Variants in R3HDM1 observed in about 807,000 individuals in gnomAD.
R3HDM1 encodes the protein R3H domain-containing protein 1.
Under a neutral mutation model 141.1 loss-of-function variants are expected in R3HDM1, and 46 were observed. The ratio of observed to expected loss-of-function variants is 0.33; its 90% confidence interval spans 0.26 to 0.42. R3HDM1 has a LOEUF of 0.42. Among genes scored for constraint, R3HDM1 ranks in the 10% least tolerant of loss-of-function variants. The pLI, the probability that R3HDM1 is intolerant of heterozygous loss-of-function variation, is 1.00. For synonymous variants in R3HDM1, 435 were observed against 472.9 expected (o/e 0.92, Z 1.04); for missense variants, 1,184 against 1,368.3 (o/e 0.87, Z 2.12).
chr2:135,564,204 C>T (rs1320171062), intron 1 of R3HDM1, among the ~76,000 whole-genome samples: 1 of 152,192 alleles, frequency 6.6e-6, no homozygotes, highest in Non-Finnish European at 1.5e-5. Flanking sequence ...TCTACCTAGA[C>T]AGTAAGTTAT....
At chr2:135,621,134 T>C (rs1012840092) in intron 5 of R3HDM1, among the ~76,000 whole-genome samples, 3 of 152,006 alleles carry the variant, frequency 2.0e-5, no homozygotes, top group African/African-American at 7.2e-5. Context: ...TGATGATAAT[T>C]ATGCTCTTGC....
intron 23 of R3HDM1, among the ~76,000 whole-genome samples, chr2:135,712,221 C>T (rs1011102192): frequency 6.6e-6 from 1 of 152,038 alleles, no homozygotes; most frequent in African/African-American, 2.4e-5. Flanking sequence ...TGACACCAGG[C>T]TGGACTGCAT....
At position 135,651,863 on chromosome 2, in the gene R3HDM1, T is replaced by G; in HGVS notation, c.1859T>G (p.Met620Arg). ...LQSPQQSGYI[M>R]TAAPPPHPPP... ...TCTCCACAGCAGTCTGGTTATATCA[T>G]GACAGCAGCCCCTCCACCACATCCT... The change falls in exon 18 of 27, where the codon ATG (methionine) becomes AGG (arginine). Residue 620 changes from methionine to arginine, a missense_variant. This residue lies in a region of R3HDM1 where 563 missense variants were observed against 562.0 expected (regional missense o/e 1.00). Coordinates refer to ENST00000683871, the MANE Select transcript of R3HDM1 (RefSeq NM_001378107.1). 1.2e-6 allele frequency: 2 copies of G among 1,614,088 alleles called. No individual in the cohort carries two copies. Among genetic ancestry groups the G allele is most frequent in the Non-Finnish European group, 1.7e-6 (2 of 1,179,990 alleles).
chr2:135,685,815 C>A (rs2071230911), intron 21 of R3HDM1, among the ~76,000 whole-genome samples: 1 of 152,078 alleles, frequency 6.6e-6, no homozygotes, highest in Admixed American at 6.6e-5. Flanking sequence ...TGTCTTCAAG[C>A]CAGTGTGACC....
At chr2:135,715,367 G>A (rs1292546773) in intron 23 of R3HDM1, among the ~76,000 whole-genome samples, 183 bp from the exon 24 acceptor site, 5 of 151,642 alleles carry the variant, frequency 3.3e-5, no homozygotes, top group Admixed American at 2.0e-4. Flanking sequence ...GTGAGACTCC[G>A]TCTCAAAAAA....
intron 18 of R3HDM1, among the ~76,000 whole-genome samples, chr2:135,654,082 A>T (rs1184559812): frequency 6.6e-6 from 1 of 152,102 alleles, no homozygotes; most frequent in African/African-American, 2.4e-5. Context: ...AAACATTTTC[A>T]TCACTCTAAA....
intron 1 of R3HDM1, among the ~76,000 whole-genome samples, chr2:135,577,601 C>G (rs1348166299): frequency 2.0e-5 from 3 of 151,752 alleles, no homozygotes; most frequent in East Asian, 3.9e-4. Flanking sequence ...TTTGGGAGGC[C>G]AAGGTGGGTG....
chr2:135,582,394 T>G (rs1007039324), intron 1 of R3HDM1, among the ~76,000 whole-genome samples: 1 of 152,202 alleles, frequency 6.6e-6, no homozygotes, highest in African/African-American at 2.4e-5. Flanking sequence ...TAAAAATGGA[T>G]CATAGGAAGT....
intron 23 of R3HDM1, among the ~76,000 whole-genome samples, chr2:135,713,620 C>T (rs1011683504): frequency 2.0e-5 from 3 of 152,056 alleles, no homozygotes; most frequent in African/African-American, 7.2e-5. Flanking sequence ...TAGGAAAATG[C>T]CCTTAAGTGT....
At position 135,702,261 on chromosome 2, in the gene R3HDM1, G is replaced by T. The variant is rs548647704; in HGVS notation, c.2460-7172G>T. Reference sequence around the variant, plus strand: ...AAAAAGGCTGGGCGCAGTGGCTCATGCTGGTAATCCCAGCATTTTTGGAGG... The same window carrying T: ...AAAAAGGCTGGGCGCAGTGGCTCATTCTGGTAATCCCAGCATTTTTGGAGG... On this transcript the variant is annotated intron_variant, in intron 21 of 26. Transcript: ENST00000683871. Among the ~76,000 whole-genome samples the T allele has an allele frequency of 4.8e-5, 7 of 144,806 alleles. No individual in the cohort carries two copies. In the East Asian group the frequency reaches 1.5e-3, roughly 31 times the overall value. The allele number at this position is 144,806 out of a possible 152,430, so 95.0% of individuals were successfully genotyped here. A position where few individuals can be genotyped will look rare whatever the true frequency, so the allele number is the denominator to read the frequency against.
chr2:135,581,699 T>A (rs1706852406), intron 1 of R3HDM1, among the ~76,000 whole-genome samples: 1 of 152,210 alleles, frequency 6.6e-6, no homozygotes, highest in South Asian at 2.1e-4. Context: ...CATTCTTTTA[T>A]TTATCCAGGT....
chr2:135,602,354 A>G (rs2059696102), intron 1 of R3HDM1, 146 bp from the exon 2 acceptor site: 3 of 473,140 alleles, frequency 6.3e-6, no homozygotes, highest in South Asian at 1.8e-4. Context: ...GTTAGAATTC[A>G]TTGTTACTCA....
In R3HDM1 at chr2:135,710,244, T is replaced by A; in HGVS notation, c.2736+13T>A. 6.2e-7 allele frequency: 1 copy of A among 1,604,546 alleles called. No individual in the cohort carries two copies. Among genetic ancestry groups the A allele is most frequent in the Non-Finnish European group, 8.5e-7 (1 of 1,173,404 alleles). On this transcript the variant is annotated intron_variant, in intron 23 of 26. Transcript: ENST00000683871. ...CAATATTGTCCAGGTAAGATGGTTTTGTTCATTATCATTTTGAAACGTTAC... is the reference window on the plus strand; with the variant it reads ...CAATATTGTCCAGGTAAGATGGTTTAGTTCATTATCATTTTGAAACGTTAC...
At chr2:135,564,175 T>C (rs1573851636) in intron 1 of R3HDM1, among the ~76,000 whole-genome samples, 1 of 152,330 alleles carries the variant, frequency 6.6e-6, no homozygotes, top group Non-Finnish European at 1.5e-5. Flanking sequence ...CCAAACTATA[T>C]TACTGTATAT....
chr2:135,693,542 A>T (rs1373283409), intron 21 of R3HDM1, among the ~76,000 whole-genome samples: 2 of 152,236 alleles, frequency 1.3e-5, no homozygotes, highest in Non-Finnish European at 2.9e-5. Flanking sequence ...TGACCAGAAG[A>T]GGTCATTTGT....
At chr2:135,684,070 C>CTTTTG (rs767423795) in intron 21 of R3HDM1, among the ~76,000 whole-genome samples, 6 of 151,600 alleles carry the variant, frequency 4.0e-5, no homozygotes, top group African/African-American at 7.3e-5. Context: ...GAACATATTT[C>CTTTTG]TTTTGTTTTG....
chr2:135,536,950 G>A (rs768348657), intron 1 of R3HDM1, among the ~76,000 whole-genome samples: 3 of 152,046 alleles, frequency 2.0e-5, no homozygotes, highest in African/African-American at 7.3e-5. Context: ...AGGTAGAACA[G>A]TTTCATCCCA....
intron 20 of R3HDM1, 63 bp downstream of exon 20, chr2:135,675,549 A>G (rs1203759493): frequency 2.1e-6 from 3 of 1,454,664 alleles, no homozygotes; most frequent in Admixed American, 1.9e-5. Flanking sequence ...GTGCACAACT[A>G]CAATACATCT....
At chr2:135,593,993 T>G (rs1709970789) in intron 1 of R3HDM1, among the ~76,000 whole-genome samples, 1 of 152,208 alleles carries the variant, frequency 6.6e-6, no homozygotes, top group Admixed American at 6.5e-5. Context: ...GTCCTGGGAT[T>G]ACAGGCATGA....
Sources: allele counts gnomAD v4.1 joint callset (sites outside exome capture counted in the v4.1 genomes callset), GRCh38; gene constraint gnomAD v4.1.1; regional missense constraint gnomAD v4.1.1; transcripts MANE v1.5; gene names NCBI Gene and HGNC (gene_info 2026-07-23, HGNC 2026-07-21).